The following KIFC3 variants were observed in gnomAD, a reference collection of about 807,000 sequenced individuals.
KIFC3 encodes the protein kinesin family member C3, also known as kinesin-like protein KIFC3.
In KIFC3, 60 loss-of-function variants were observed where a neutral mutation model predicts 101.8. The observed-to-expected ratio is 0.59, with a 90% confidence interval of 0.48 to 0.73. The LOEUF is 0.73. KIFC3 is among the 30% of genes least tolerant of loss of function. The probability of loss-of-function intolerance (pLI) is 0.00; values close to 1 mark genes in which losing one functional copy is unlikely to be tolerated. For synonymous variants in KIFC3, 476 were observed against 482.7 expected (o/e 0.99, Z 0.18); for missense variants, 966 against 1,137.1 (o/e 0.85, Z 2.16).
At chr16:57,775,488 CAG>C (rs2051925405) in intron 3 of KIFC3, 1 of 990,832 alleles carries the variant, frequency 1.0e-6, no homozygotes, top group African/African-American at 1.7e-5. Flanking sequence ...GGCAATCTCT[CAG>C]AGTTAGGGAA....
chr16:57,849,376 G>A (rs940473103), intron 1 of KIFC3, among the ~76,000 whole-genome samples: 8 of 152,140 alleles, frequency 5.3e-5, no homozygotes, highest in African/African-American at 1.4e-4. Context: ...ACATCAGATC[G>A]ATTGAGACAA....
Position 57,761,424 on chromosome 16 carries a change from C to A in KIFC3, c.1861G>T (p.Asp621Tyr). 6.2e-7 allele frequency: 1 copy of A among 1,614,002 alleles called. No individual in the cohort carries two copies. The highest frequency in any genetic ancestry group is 8.5e-7 in the Non-Finnish European group (1 of 1,179,924). The change falls in exon 14 of 20, where the codon GAC becomes TAC. Residue 621 changes from aspartate to tyrosine, a missense_variant. By Grantham distance (160) the Asp-to-Tyr change is radical. Transcript: ENST00000445690. ...LTEFQVQSVD[D>Y]INKVFEFGHT... ...TCCCGCCTCCACACCTTGTTGATGT[C>A]GTCCACGCTCTGCACTTGGAACTCA...
intron 1 of KIFC3, among the ~76,000 whole-genome samples, chr16:57,859,127 T>C (rs914792957): frequency 1.3e-5 from 2 of 152,204 alleles, no homozygotes. Context: ...ATATAATACA[T>C]AGGACCATAT....
In KIFC3 at chr16:57,769,768, C is replaced by G. The variant is rs12148935; in HGVS notation, c.1087+40G>C. 1.2e-6 allele frequency: 2 copies of G among 1,612,092 alleles called. No individual in the cohort carries two copies. The highest frequency in any genetic ancestry group is 3.3e-5 in the Admixed American group (2 of 59,942). On this transcript the variant is annotated intron_variant, in intron 8 of 19. Transcript: ENST00000445690. This position sits in a 1 kb window ranked among gnomAD's most constrained non-coding sequence, Gnocchi z 4.3. The stretch of plus-strand genomic sequence containing the variant: ...CTGTGAGGCGGGAGGGGATGAGGGG[C>G]CGCGGCGTGGGGCAGACAGGGCCCA...
At chr16:57,833,133 G>C (rs562663626) in intron 1 of KIFC3, among the ~76,000 whole-genome samples, 1 of 150,686 alleles carries the variant, frequency 6.6e-6, no homozygotes, top group Admixed American at 6.6e-5. Flanking sequence ...TTGAACCTGG[G>C]AGGTAGAGGT....
chr16:57,837,482 AAGAGAG>A (rs754022138), intron 1 of KIFC3, among the ~76,000 whole-genome samples: 5 of 150,710 alleles, frequency 3.3e-5, no homozygotes, highest in African/African-American at 1.2e-4. Flanking sequence ...GAAAGAAAGA[AAGAGAG>A]AGAAAGACGG....
At chr16:57,799,927 C>T (rs1297502848) in intron 1 of KIFC3, among the ~76,000 whole-genome samples, 3 of 152,072 alleles carry the variant, frequency 2.0e-5, no homozygotes, top group African/African-American at 7.2e-5. Flanking sequence ...GGGAGAAGGG[C>T]AGATGGCAAA....
Position 57,782,012 on chromosome 16 carries a change from G to C in KIFC3, c.316-9724C>G, listed in dbSNP as rs1247483210. 8.1e-6 allele frequency: 8 copies of C among 985,310 alleles called. No homozygotes were observed. In the African/African-American group the frequency reaches 1.0e-4, roughly 13 times the overall value. The allele number at this position is 985,310 out of a possible 1,614,324, so 61.0% of individuals were successfully genotyped here. A position where few individuals can be genotyped will look rare whatever the true frequency, so the allele number is the denominator to read the frequency against. ...ATAGGGCTGGAAACACGGCACCATGGAAAACAAGGCAGAGTGTACCCCCTG... is the reference window on the plus strand; with the variant it reads ...ATAGGGCTGGAAACACGGCACCATGCAAAACAAGGCAGAGTGTACCCCCTG... On this transcript the variant is annotated intron_variant, in intron 3 of 19. Transcript: ENST00000445690.
At chr16:57,775,639 C>A (rs1214935626) in intron 3 of KIFC3, 2 of 985,446 alleles carry the variant, frequency 2.0e-6, no homozygotes, top group African/African-American at 3.5e-5. Flanking sequence ...CCGCAGCTTC[C>A]AGCCAGCAAG....
chr16:57,771,640 T>C lies in KIFC3; in HGVS notation c.428A>G (p.Asn143Ser), dbSNP rs1555608564. The change falls in exon 5 of 20, where the codon AAT becomes AGT. Residue 143 changes from asparagine (N) to serine (S), a missense_variant. This residue lies in a region of KIFC3 where 277 missense variants were observed against 252.5 expected (regional missense o/e 1.10). Transcript: ENST00000445690. Reference sequence around the variant, plus strand: ...CCGCATCTCCTGCCTCAGTCGCTCATTCTCCACCATCAGCAGGTCCCGGTG... The same window carrying C: ...CCGCATCTCCTGCCTCAGTCGCTCACTCTCCACCATCAGCAGGTCCCGGTG... ...EKHRDLLMVE[N>S]ERLRQEMRRC... 2 of 1,613,118 alleles carry C rather than the reference T, an allele frequency of 1.2e-6. No individual in the cohort carries two copies. Among genetic ancestry groups the C allele is most frequent in the Non-Finnish European group, 8.5e-7 (1 of 1,179,908 alleles).
intron 1 of KIFC3, among the ~76,000 whole-genome samples, chr16:57,850,306 G>A (rs1179953329): frequency 6.7e-6 from 1 of 150,064 alleles, no homozygotes; most frequent in African/African-American, 2.5e-5. Context: ...AGGAGGCTGA[G>A]ACAGGAGGAT....
chr16:57,764,216 GA>G lies in KIFC3; in HGVS notation c.1543del (p.Ser515LeufsTer72). The G allele has an allele frequency of 6.2e-7, 1 of 1,610,384 alleles. No individual in the cohort carries two copies. Among genetic ancestry groups the G allele is most frequent in the Non-Finnish European group, 8.5e-7 (1 of 1,178,524 alleles). The stretch of plus-strand genomic sequence containing the variant: ...GCAGACATTGAAGCCATCAATGCAA[GA>G]GGTGACCAGGGCCTGCACCTCCTGG... ...VFQEVQALVT[S>X]CIDGFNVCIF... On this transcript the variant is annotated frameshift_variant, in exon 12 of 20. Coordinates refer to ENST00000445690, the MANE Select transcript of KIFC3 (RefSeq NM_001130100.2). LOFTEE classifies it high-confidence loss of function.
At chr16:57,807,072 C>T (rs1200863495), upstream of KIFC3, among the ~76,000 whole-genome samples, 1 of 151,812 alleles carries the variant, frequency 6.6e-6, no homozygotes, top group Non-Finnish European at 1.5e-5. Context: ...ACAAAAATTA[C>T]CCGATGTGCT....
intron 12 of KIFC3, among the ~76,000 whole-genome samples, chr16:57,763,942 T>C (rs567108084): frequency 3.2e-4 from 48 of 152,294 alleles, no homozygotes; most frequent in African/African-American, 1.2e-3. Flanking sequence ...GCTGGGCCCA[T>C]TGTGGGTGCC....
At chr16:57,798,049 G>T in intron 2 of KIFC3, 23 bp downstream of exon 2, 1 of 1,582,532 alleles carries the variant, frequency 6.3e-7, no homozygotes, top group South Asian at 1.2e-5. Flanking sequence ...AAATAAAGAG[G>T]CATTTTAAAA....
At chr16:57,772,396 T>A in intron 3 of KIFC3, 108 bp from the exon 4 acceptor site, 1 of 917,934 alleles carries the variant, frequency 1.1e-6, no homozygotes, top group Non-Finnish European at 1.7e-6. Flanking sequence ...TGGCTTCTTC[T>A]AAGGCTGTGG....
At chr16:57,840,646 G>T (rs1214199227) in intron 1 of KIFC3, among the ~76,000 whole-genome samples, 1 of 151,546 alleles carries the variant, frequency 6.6e-6, no homozygotes, top group Non-Finnish European at 1.5e-5. Flanking sequence ...TGTAATCCCA[G>T]CTACTCGGGA....
chr16:57,769,576 A>G lies in KIFC3; in HGVS notation c.1218+19T>C, dbSNP rs782287323. The stretch of plus-strand genomic sequence containing the variant: ...GCACCCCCTTAGCCTGGACCCTCCC[A>G]CCCACTGCCCTCGCTCACCTCGGCC... On this transcript the variant is annotated intron_variant, in intron 9 of 19. Transcript: ENST00000445690. This position sits in a 1 kb window ranked among gnomAD's most constrained non-coding sequence, Gnocchi z 4.3. The G allele has an allele frequency of 6.2e-7, 1 of 1,603,064 alleles. No homozygotes were observed. Among genetic ancestry groups the G allele is most frequent in the South Asian group, 1.1e-5 (1 of 90,382 alleles).
At chr16:57,789,542 C>CG (rs1568030572) in intron 3 of KIFC3, among the ~76,000 whole-genome samples, 1 of 152,010 alleles carries the variant, frequency 6.6e-6, no homozygotes, top group African/African-American at 2.4e-5. Flanking sequence ...CTGGAAGATT[C>CG]GGGGGGGATG....
Sources: gnomAD v4.1 joint callset for allele counts (sites outside exome capture counted in the v4.1 genomes callset) on GRCh38, gnomAD v4.1.1 for gene constraint, gnomAD v4.1.1 regional missense constraint, Gnocchi (gnomAD v3.1) non-coding constraint, MANE v1.5 for transcripts, NCBI Gene and HGNC (gene_info 2026-07-23, HGNC 2026-07-21) for gene names.